The following CAMTA1 variants were observed in gnomAD, a reference collection of about 807,000 sequenced individuals.
The protein encoded by CAMTA1 is calmodulin binding transcription activator 1.
CAMTA1 carries 27 observed loss-of-function variants against 170.9 expected under a neutral mutation model. The ratio of observed to expected loss-of-function variants is 0.16; its 90% CI spans 0.12 to 0.22. The LOEUF is 0.22. Ranked by LOEUF, CAMTA1 falls within the 10% of genes least tolerant of loss-of-function variation. The pLI, the probability that CAMTA1 is intolerant of heterozygous loss-of-function variation, is 1.00. For missense variants in CAMTA1, 1,619 were observed against 2,217.2 expected, an observed-to-expected ratio of 0.73 and a Z score of 5.42; for synonymous variants, 833 against 891.5, an observed-to-expected ratio of 0.93 and a Z score of 1.17.
In CAMTA1 at chr1:7,306,520, G is replaced by T. The variant is rs182273346; in HGVS notation, c.438+56894G>T. On this transcript the variant is annotated intron_variant, in intron 5 of 22. Coordinates refer to ENST00000303635, the MANE Select transcript of CAMTA1 (RefSeq NM_015215.4). ...CCTATCACATCACCAATACCACATT[G>T]TTTTCATTACTGTAGGTCTATATAG... Among the ~76,000 whole-genome samples the T allele has an allele frequency of 2.2e-3, 330 of 151,998 alleles. 2 individuals carry two copies. Among genetic ancestry groups the T allele is most frequent in the African/African-American group, 7.4e-3 (309 of 41,516 alleles).
chr1:7,453,439 G>A (rs369606324), intron 5 of CAMTA1, among the ~76,000 whole-genome samples: 47 of 152,348 alleles, frequency 3.1e-4, no homozygotes, highest in African/African-American at 9.6e-4. Flanking sequence ...CCACTAATCA[G>A]GAAGGAAATT....
intron 5 of CAMTA1, among the ~76,000 whole-genome samples, chr1:7,411,576 A>G (rs2090760118): frequency 6.7e-6 from 1 of 148,506 alleles, no homozygotes; most frequent in South Asian, 2.1e-4. Context: ...ATCAAGTTAA[A>G]TAACTTTCTT....
chr1:7,664,454 G>A lies in CAMTA1; in HGVS notation c.1907G>A (p.Ser636Asn). 6.2e-7 allele frequency: 1 copy of A among 1,613,450 alleles called. No individual in the cohort carries two copies. The highest frequency in any genetic ancestry group is 8.5e-7 in the Non-Finnish European group (1 of 1,180,030). Residue 636 changes from serine (S) to asparagine (N), a missense_variant, in exon 9 of 23, where the codon AGT (serine) becomes AAT (asparagine). Physicochemically the swap from Ser to Asn is conservative, Grantham distance 46. Coordinates refer to ENST00000303635, the MANE Select transcript of CAMTA1 (RefSeq NM_015215.4). ...PVEQNTHSSL[S>N]DSGGTFVMPT... is the part of the protein sequence containing the mutation. ...GAGCAGAACACCCACAGCAGCCTGA[G>A]TGACTCTGGGGGCACCTTCGTGATG...
chr1:7,520,685 A>G (rs555254663), intron 6 of CAMTA1, among the ~76,000 whole-genome samples: 2 of 151,954 alleles, frequency 1.3e-5, no homozygotes, highest in Admixed American at 6.6e-5. Flanking sequence ...GCGGTGGGGA[A>G]CCTTCTCTCA....
chr1:6,893,604 G>T (rs1030662188), intron 3 of CAMTA1, among the ~76,000 whole-genome samples: 16 of 152,234 alleles, frequency 1.1e-4, no homozygotes, highest in African/African-American at 3.4e-4. Context: ...TGCGCACTGA[G>T]GGGGTTGTGC....
chr1:7,488,249 G>A (rs182075431), intron 6 of CAMTA1, among the ~76,000 whole-genome samples: 67 of 152,316 alleles, frequency 4.4e-4, no homozygotes, highest in Middle Eastern at 3.4e-3. Flanking sequence ...CGCCTGGACA[G>A]GGGGCTGGAG....
At chr1:7,471,794 G>T (rs572998251) in intron 6 of CAMTA1, among the ~76,000 whole-genome samples, 1 of 152,338 alleles carries the variant, frequency 6.6e-6, no homozygotes, top group South Asian at 2.1e-4. Context: ...TTTTCTGATG[G>T]TTTCGAGGGG....
chr1:7,076,299 C>T (rs1658839694), intron 3 of CAMTA1, among the ~76,000 whole-genome samples: 1 of 152,118 alleles, frequency 6.6e-6, no homozygotes, highest in Non-Finnish European at 1.5e-5. Context: ...CTGTTGTAAC[C>T]CTTTGAAAAG....
At chr1:6,789,804 C>CTTT (rs34542033) in intron 1 of CAMTA1, among the ~76,000 whole-genome samples, 2,291 of 85,572 alleles carry the variant, frequency 0.027, 147 homozygotes, top group African/African-American at 0.034. Flanking sequence ...TTTAGTGTAT[C>CTTT]TTTTTTTTTT....
intron 3 of CAMTA1, chr1:6,886,229 T>A (rs1371488568): frequency 4.4e-6 from 2 of 455,912 alleles, no homozygotes; most frequent in Non-Finnish European, 8.8e-6. Flanking sequence ...ATACTGTTTT[T>A]GTTTATACAG....
intron 5 of CAMTA1, among the ~76,000 whole-genome samples, chr1:7,312,028 G>A (rs1676801015): frequency 6.6e-6 from 1 of 152,124 alleles, no homozygotes; most frequent in South Asian, 2.1e-4. Context: ...ATCTCCTTGG[G>A]CCTCTCTTTT....
intron 5 of CAMTA1, among the ~76,000 whole-genome samples, chr1:7,390,103 G>A (rs777374671): frequency 2.6e-5 from 4 of 152,168 alleles, no homozygotes; most frequent in South Asian, 2.1e-4. Flanking sequence ...GAGCCCGGGC[G>A]ACGGCGCAGG....
Position 7,633,836 on chromosome 1 carries a change from C to G in CAMTA1, c.511-6564C>G, listed in dbSNP as rs77635639. Among the ~76,000 whole-genome samples the G allele has an allele frequency of 2.6e-3, 395 of 152,330 alleles. 1 individual carries two copies. The highest frequency in any genetic ancestry group is 9.1e-3 in the African/African-American group (380 of 41,568). On this transcript the variant is annotated intron_variant, in intron 6 of 22. Transcript: ENST00000303635. This position sits in a 1 kb window ranked among gnomAD's most constrained non-coding sequence, Gnocchi z 4.1. The stretch of plus-strand genomic sequence containing the variant: ...TGAGAGATTAGTGCTGCAAAGACAG[C>G]GAGGCGGGAACCAGGCAAGGTGGGC...
At chr1:7,138,490 A>G (rs1645674432) in intron 4 of CAMTA1, among the ~76,000 whole-genome samples, 1 of 152,226 alleles carries the variant, frequency 6.6e-6, no homozygotes, top group Non-Finnish European at 1.5e-5. Context: ...GCTAATTTTG[A>G]AAAATTCAAA....
chr1:7,144,647 G>C lies in CAMTA1; in HGVS notation c.302+53276G>C, dbSNP rs1646081154. Among the ~76,000 whole-genome samples the C allele has an allele frequency of 1.3e-5, 2 of 152,168 alleles. No homozygotes were observed. Among genetic ancestry groups the C allele is most frequent in the Admixed American group, 6.5e-5 (1 of 15,276 alleles). The stretch of plus-strand genomic sequence containing the variant: ...TATACAGATATTAGGACTTGCAATT[G>C]TCAGGTCACACCACTCAGAATAATT... On this transcript the variant is annotated intron_variant, in intron 4 of 22. Coordinates refer to ENST00000303635, the MANE Select transcript of CAMTA1 (RefSeq NM_015215.4). This position sits in a 1 kb window ranked among gnomAD's most constrained non-coding sequence, Gnocchi z 4.0.
rs190077613 is a variant in CAMTA1 at position 7,039,788 on chromosome 1, A to G, written c.235-51516A>G. ...TGTGGGCTGTGGAGTGTGGGAGGAA[A>G]ATGGGTAACCTATAGGGGAGTGGGA... On this transcript the variant is annotated intron_variant, in intron 3 of 22. Coordinates refer to ENST00000303635, the MANE Select transcript of CAMTA1 (RefSeq NM_015215.4). Among the ~76,000 whole-genome samples, 29 of 152,278 alleles carry G rather than the reference A, an allele frequency of 1.9e-4. No homozygotes were observed. In the East Asian group the frequency reaches 5.4e-3, roughly 28 times the overall value.
chr1:7,406,508 T>C (rs1575147681), intron 5 of CAMTA1, among the ~76,000 whole-genome samples: 1 of 152,170 alleles, frequency 6.6e-6, no homozygotes, highest in African/African-American at 2.4e-5. Flanking sequence ...ACAATATCCA[T>C]GGCTTTGCCT....
Position 7,664,127 on chromosome 1 carries a change from T to G in CAMTA1, c.1580T>G (p.Val527Gly), listed in dbSNP as rs747652109. Residue 527 changes from valine to glycine, a missense_variant, in exon 9 of 23, where the codon GTC becomes GGC. Transcript: ENST00000303635. ...PGERSFSFTT[V>G]LTKEIKTEDT... Reference sequence around the variant, plus strand: ...GAGCGGAGCTTCAGCTTTACCACCGTCCTCACCAAGGAGATCAAGACCGAG... The same window carrying G: ...GAGCGGAGCTTCAGCTTTACCACCGGCCTCACCAAGGAGATCAAGACCGAG... The G allele has an allele frequency of 5.6e-6, 9 of 1,613,316 alleles. No homozygotes were observed. Among genetic ancestry groups the G allele is most frequent in the Non-Finnish European group, 7.6e-6 (9 of 1,180,018 alleles).
At chr1:7,708,374 TC>T (rs1395941533) in intron 11 of CAMTA1, among the ~76,000 whole-genome samples, 1 of 152,060 alleles carries the variant, frequency 6.6e-6, no homozygotes, top group Non-Finnish European at 1.5e-5. Flanking sequence ...GGCTTTCACC[TC>T]TAATCTCTGC....
Sources: allele counts gnomAD v4.1 joint callset (sites outside exome capture counted in the v4.1 genomes callset), GRCh38; gene constraint gnomAD v4.1.1; non-coding constraint Gnocchi (gnomAD v3.1); transcripts MANE v1.5; gene names NCBI Gene and HGNC (gene_info 2026-07-23, HGNC 2026-07-21).